The following GRM3 variants were observed in gnomAD, a reference collection of about 807,000 sequenced individuals.
GRM3 encodes glutamate metabotropic receptor 3, also known as metabotropic glutamate receptor 3.
In GRM3, 26 loss-of-function variants were observed where a neutral mutation model predicts 70.5. The observed-to-expected ratio is 0.37, with a 90% CI of 0.27 to 0.51. The LOEUF (loss-of-function observed/expected upper bound fraction) is 0.51. GRM3 is among the 20% of genes least tolerant of loss of function. The pLI is 0.93. For synonymous variants in GRM3, 443 were observed against 434.9 expected (o/e 1.02, Z -0.23); for missense variants, 859 against 1,123.8 (o/e 0.76, Z 3.37).
At chr7:86,721,948 A>T (rs1378580358) in intron 1 of GRM3, among the ~76,000 whole-genome samples, 1 of 152,152 alleles carries the variant, frequency 6.6e-6, no homozygotes, top group Non-Finnish European at 1.5e-5. Flanking sequence ...ACTCCTGGAA[A>T]CTAGAATTGG....
intron 1 of GRM3, among the ~76,000 whole-genome samples, chr7:86,667,158 A>T (rs1415554029): frequency 6.6e-6 from 1 of 152,066 alleles, no homozygotes; most frequent in Non-Finnish European, 1.5e-5. Context: ...AAAATGACTG[A>T]TGTTCTACAT....
rs147048575 is a variant in GRM3 at position 86,712,349 on chromosome 7, A to G, written c.-140-52657A>G. 7.8e-4 allele frequency among the ~76,000 whole-genome samples: 118 copies of G among 152,104 alleles called. 1 individual carries two copies. Among genetic ancestry groups the G allele is most frequent in the South Asian group, 7.3e-3 (35 of 4,816 alleles). On this transcript the variant is annotated intron_variant, in intron 1 of 5. Coordinates refer to ENST00000361669, the MANE Select transcript of GRM3 (RefSeq NM_000840.3). ...TCACTTCATCACTCCTCTATTTAAA[A>G]ACCTTTAATAGTTTCATTTAAAATA...
chr7:86,814,354 T>C (rs906717248), intron 3 of GRM3, among the ~76,000 whole-genome samples: 1 of 151,748 alleles, frequency 6.6e-6, no homozygotes, highest in African/African-American at 2.4e-5. Context: ...GCACCATATT[T>C]GTTGTCTTTT....
intron 1 of GRM3, among the ~76,000 whole-genome samples, chr7:86,733,594 A>G (rs1795788271): frequency 6.6e-6 from 1 of 152,234 alleles, no homozygotes; most frequent in African/African-American, 2.4e-5. Flanking sequence ...TTCAAGGAGT[A>G]GGAAGACTTA....
At chr7:86,842,599 A>G (rs2116746552) in intron 4 of GRM3, among the ~76,000 whole-genome samples, 1 of 152,320 alleles carries the variant, frequency 6.6e-6, no homozygotes, top group East Asian at 1.9e-4. Context: ...TGTGGTTCGG[A>G]CAGAATTAGC....
At chr7:86,683,326 A>G (rs1794486303) in intron 1 of GRM3, among the ~76,000 whole-genome samples, 1 of 152,184 alleles carries the variant, frequency 6.6e-6, no homozygotes, top group Non-Finnish European at 1.5e-5. Context: ...GAGAGTCTGG[A>G]GCAGAGGAAA....
intron 3 of GRM3, among the ~76,000 whole-genome samples, chr7:86,800,482 A>C (rs1024227729): frequency 1.3e-5 from 2 of 152,208 alleles, no homozygotes; most frequent in Admixed American, 1.3e-4. Context: ...ACAGAAATAC[A>C]AGCAACCATC....
Position 86,644,042 on chromosome 7 carries a change from G to C in GRM3, c.-971G>C, listed in dbSNP as rs1183295241. Reference sequence around the variant, plus strand: ...CCCCCTGCCCAGGGACCACAGGAGAGTTCTTGTAAGGACTGTTAGTCCCTG... The same window carrying C: ...CCCCCTGCCCAGGGACCACAGGAGACTTCTTGTAAGGACTGTTAGTCCCTG... On this transcript the variant is annotated 5_prime_UTR_variant, in exon 1 of 6. Transcript: ENST00000361669. 1 of 153,276 alleles carries C rather than the reference G, an allele frequency of 6.5e-6. No homozygotes were observed. Among genetic ancestry groups the C allele is most frequent in the Non-Finnish European group, 1.5e-5 (1 of 68,942 alleles). 9.5% of individuals were successfully genotyped at this position (153,276 alleles called of 1,614,324 possible). A position where few individuals can be genotyped will look rare whatever the true frequency, so the allele number is the denominator to read the frequency against.
intron 1 of GRM3, among the ~76,000 whole-genome samples, chr7:86,763,745 CA>C (rs1796534646): frequency 6.6e-6 from 1 of 152,120 alleles, no homozygotes; most frequent in South Asian, 2.1e-4. Context: ...ATAGGGGAGG[CA>C]GCCACCAGCA....
chr7:86,804,068 T>C (rs937656465), intron 3 of GRM3, among the ~76,000 whole-genome samples: 1 of 152,020 alleles, frequency 6.6e-6, no homozygotes, highest in Admixed American at 6.6e-5. Flanking sequence ...CCTCCTGGAG[T>C]AGAATTCACA....
chr7:86,756,930 C>T (rs1488840062), intron 1 of GRM3, among the ~76,000 whole-genome samples: 2 of 152,038 alleles, frequency 1.3e-5, no homozygotes, highest in Non-Finnish European at 2.9e-5. Flanking sequence ...TTCTTTTGGT[C>T]CATTTTCAAG....
chr7:86,684,740 T>C lies in GRM3; in HGVS notation c.-141+39868T>C, dbSNP rs148546370. 7.9e-5 allele frequency among the ~76,000 whole-genome samples: 12 copies of C among 152,320 alleles called. 1 individual carries two copies. The East Asian group carries it at 2.3e-3, about 29-fold the overall frequency. ...ATCACAGAATCAAGGAATAATGACATCCTATTCTTCAAGAATTCAGGTTAA... is the reference window on the plus strand; with the variant it reads ...ATCACAGAATCAAGGAATAATGACACCCTATTCTTCAAGAATTCAGGTTAA... On this transcript the variant is annotated intron_variant, in intron 1 of 5. Transcript: ENST00000361669.
chr7:86,786,221 T>G lies in GRM3; in HGVS notation c.469-40T>G, dbSNP rs370274376. 83 of 1,566,492 alleles carry G rather than the reference T, an allele frequency of 5.3e-5. No individual in the cohort carries two copies. Among genetic ancestry groups the G allele is most frequent in the Middle Eastern group, 1.7e-4 (1 of 5,820 alleles). ...TCATTTTCATGTCCAGTCATCTACC[T>G]CGGGGTTTCTAACAAAGGTCCTTCT... On this transcript the variant is annotated intron_variant, in intron 2 of 5. Coordinates refer to ENST00000361669, the MANE Select transcript of GRM3 (RefSeq NM_000840.3). The surrounding 1 kb of genome is among the most constrained non-coding windows in gnomAD (Gnocchi z 6.0).
intron 2 of GRM3, among the ~76,000 whole-genome samples, chr7:86,770,313 G>T (rs1796705309): frequency 6.6e-6 from 1 of 152,080 alleles, no homozygotes; most frequent in African/African-American, 2.4e-5. Context: ...CTCATAGAAA[G>T]GGCAGAAGAG....
At chr7:86,731,613 T>C (rs1481008306) in intron 1 of GRM3, among the ~76,000 whole-genome samples, 3 of 152,226 alleles carry the variant, frequency 2.0e-5, no homozygotes, top group Non-Finnish European at 4.4e-5. Context: ...ATTTTCTTAT[T>C]TAAAAATATT....
chr7:86,759,522 A>G (rs559093620), intron 1 of GRM3, among the ~76,000 whole-genome samples: 1 of 152,274 alleles, frequency 6.6e-6, no homozygotes, highest in South Asian at 2.1e-4. Context: ...ACTTTTGACA[A>G]CTGTGTGTGA....
chr7:86,795,241 G>T (rs1053189744), intron 3 of GRM3, among the ~76,000 whole-genome samples: 2 of 135,060 alleles, frequency 1.5e-5, no homozygotes, highest in Admixed American at 7.3e-5. Context: ...AAGAGCCATT[G>T]GTCTAGGTTA....
chr7:86,645,183 G>A (rs1299742385), intron 1 of GRM3, among the ~76,000 whole-genome samples: 1 of 152,154 alleles, frequency 6.6e-6, no homozygotes, highest in East Asian at 1.9e-4. Context: ...AGTCTCATCA[G>A]CCAACCACCT....
Position 86,786,156 on chromosome 7 carries a change from G to C in GRM3, c.469-105G>C. On this transcript the variant is annotated intron_variant, in intron 2 of 5. Transcript: ENST00000361669. This position sits in a 1 kb window ranked among gnomAD's most constrained non-coding sequence, Gnocchi z 6.0. ...CAGAAAAATGTAGCCATCTAGAGTA[G>C]AGGGAAAAGGGAGTCAGTAAAAGGT... 1 of 933,758 alleles carries C rather than the reference G, an allele frequency of 1.1e-6. No individual in the cohort carries two copies. The allele number at this position is 933,758 out of a possible 1,614,324, so 57.8% of individuals were successfully genotyped here.
Sources: gnomAD v4.1 joint callset for allele counts (sites outside exome capture counted in the v4.1 genomes callset) on GRCh38, gnomAD v4.1.1 for gene constraint, Gnocchi (gnomAD v3.1) non-coding constraint, MANE v1.5 for transcripts, NCBI Gene and HGNC (gene_info 2026-07-23, HGNC 2026-07-21) for gene names.